TMEM39B: variants seen among roughly 807,000 people sequenced by gnomAD.
TMEM39B encodes transmembrane protein 39B.
Under a neutral mutation model 52.2 loss-of-function variants are expected in TMEM39B, and 23 were observed. The ratio of observed to expected loss-of-function variants is 0.44; its 90% confidence interval spans 0.32 to 0.62. TMEM39B has a LOEUF of 0.62. Ranked by LOEUF, TMEM39B falls within the 20% of genes least tolerant of loss-of-function variation. The probability of loss-of-function intolerance (pLI) is 0.06; values close to 1 mark genes in which losing one functional copy is unlikely to be tolerated. For synonymous variants in TMEM39B, 285 were observed against 264.0 expected, an observed-to-expected ratio of 1.08 and a Z score of -0.77; for missense variants, 547 against 642.0, an observed-to-expected ratio of 0.85 and a Z score of 1.60.
chr1:32,078,729 C>G (rs1261341915), intron 5 of TMEM39B, among the ~76,000 whole-genome samples: 3 of 150,356 alleles, frequency 2.0e-5, no homozygotes, highest in Non-Finnish European at 4.4e-5. Context: ...CAACCTCTGC[C>G]TCCTGGATTC....
chr1:32,076,441 G>A, intron 3 of TMEM39B: 1 of 426,480 alleles, frequency 2.3e-6, no homozygotes, highest in Non-Finnish European at 4.5e-6. Context: ...CAGTAGTGGA[G>A]ATGAACCACA....
intron 7 of TMEM39B, 68 bp from the exon 8 acceptor site, chr1:32,100,374 C>G: frequency 1.3e-6 from 2 of 1,489,644 alleles, no homozygotes; most frequent in Non-Finnish European, 1.8e-6. Context: ...TTCCCTCCTG[C>G]CCATTCTTCT....
At chr1:32,099,785 G>A (rs1303430170) in intron 7 of TMEM39B, among the ~76,000 whole-genome samples, 2 of 152,146 alleles carry the variant, frequency 1.3e-5, no homozygotes, top group Non-Finnish European at 2.9e-5. Flanking sequence ...TGTGGCTGAC[G>A]CCTGTAATCC....
At chr1:32,080,312 A>G (rs1640040027) in intron 5 of TMEM39B, among the ~76,000 whole-genome samples, 1 of 152,156 alleles carries the variant, frequency 6.6e-6, no homozygotes, top group Non-Finnish European at 1.5e-5. Context: ...AGATGGATTC[A>G]TTTAGATTTT....
chr1:32,081,496 C>G (rs1640100030), intron 5 of TMEM39B, among the ~76,000 whole-genome samples: 1 of 152,058 alleles, frequency 6.6e-6, no homozygotes, highest in Non-Finnish European at 1.5e-5. Context: ...GCTTGTAATC[C>G]CAGCACTTTG....
chr1:32,076,919 C>T, intron 4 of TMEM39B, 73 bp downstream of exon 4: 1 of 1,525,672 alleles, frequency 6.6e-7, no homozygotes, highest in African/African-American at 1.4e-5. Flanking sequence ...AGGAAACATG[C>T]CCAGCCCTTC....
intron 5 of TMEM39B, among the ~76,000 whole-genome samples, chr1:32,090,253 A>C (rs655667): frequency 6.6e-6 from 1 of 152,066 alleles, no homozygotes; most frequent in Non-Finnish European, 1.5e-5. Flanking sequence ...CTCCGCATAC[A>C]ATAGCAGCCA....
chr1:32,096,434 C>T (rs1021257138), intron 7 of TMEM39B, among the ~76,000 whole-genome samples: 1 of 146,774 alleles, frequency 6.8e-6, no homozygotes, highest in Non-Finnish European at 1.5e-5. Context: ...GTCTAGCACT[C>T]AGTTGTCTCC....
Position 32,075,835 on chromosome 1 carries a change from C to G in TMEM39B, c.351+13C>G. On this transcript the variant is annotated intron_variant, in intron 3 of 8. Transcript: ENST00000336294. ...CCACACCTCCCTGGTAGGTACCCAA[C>G]AAGGGTGTGTGTGTGTGTGTGTGTG... is the stretch of plus-strand genomic sequence containing the variant. 7.0e-7 allele frequency: 1 copy of G among 1,420,574 alleles called. No homozygotes were observed. The highest frequency in any genetic ancestry group is 1.4e-5 in the South Asian group (1 of 73,482). The allele number at this position is 1,420,574 out of a possible 1,614,324, so 88.0% of individuals were successfully genotyped here. A position where few individuals can be genotyped will look rare whatever the true frequency, so the allele number is the denominator to read the frequency against.
intron 2 of TMEM39B, 100 bp downstream of exon 2, chr1:32,075,177 C>T (rs1394237622): frequency 5.5e-6 from 8 of 1,448,542 alleles, no homozygotes; most frequent in East Asian, 2.5e-5. Context: ...TCCTAGATGC[C>T]AGTGGGGGCT....
chr1:32,101,786 GC>G (rs1641028086), intron 8 of TMEM39B, among the ~76,000 whole-genome samples: 1 of 152,098 alleles, frequency 6.6e-6, no homozygotes, highest in Non-Finnish European at 1.5e-5. Context: ...AGGTACCTTG[GC>G]CCCTGTGGAA....
At chr1:32,082,335 G>A (rs912580996) in intron 5 of TMEM39B, among the ~76,000 whole-genome samples, 2 of 152,078 alleles carry the variant, frequency 1.3e-5, no homozygotes, top group African/African-American at 4.8e-5. Flanking sequence ...CCAGTATGTG[G>A]CTTTGATATA....
chr1:32,080,545 C>T lies in TMEM39B; in HGVS notation c.590+3227C>T, dbSNP rs374153024. On this transcript the variant is annotated intron_variant, in intron 5 of 8. Coordinates refer to ENST00000336294, the MANE Select transcript of TMEM39B (RefSeq NM_018056.4). ...AGCCGGGCATGGTGGATGGCACTTG[C>T]AGTCCCAGCTACTCGGGAGGCTGAG... Among the ~76,000 whole-genome samples the T allele has an allele frequency of 6.0e-4, 91 of 151,648 alleles. 3 individuals are homozygous for T. The highest frequency in any genetic ancestry group is 1.6e-3 in the African/African-American group (66 of 41,384).
chr1:32,075,038 C>T lies in TMEM39B; in HGVS notation c.92C>T (p.Thr31Ile). Residue 31 changes from threonine to isoleucine, a missense_variant, in exon 2 of 9, where the codon ACT (threonine) becomes ATT (isoleucine). Coordinates refer to ENST00000336294, the MANE Select transcript of TMEM39B (RefSeq NM_018056.4). ...TCGGGGGGCTCTAGTGGAAGCCACA[C>T]TTCCAGTGCATCGGTGACCAGTGTT... ...GSSGGSSGSH[T>I]SSASVTSVRS... 6.4e-7 allele frequency: 1 copy of T among 1,551,582 alleles called. No individual in the cohort carries two copies. Among genetic ancestry groups the T allele is most frequent in the Non-Finnish European group, 8.7e-7 (1 of 1,146,948 alleles).
chr1:32,083,439 T>G (rs1178804344), intron 5 of TMEM39B, among the ~76,000 whole-genome samples: 205 of 137,526 alleles, frequency 1.5e-3, no homozygotes, highest in African/African-American at 5.3e-3. Context: ...TTTTTTTTTT[T>G]GAGATGGAGA....
chr1:32,084,387 G>T (rs1461375475), intron 5 of TMEM39B, among the ~76,000 whole-genome samples: 1 of 152,044 alleles, frequency 6.6e-6, no homozygotes, highest in Non-Finnish European at 1.5e-5. Context: ...CTCCTGGGTT[G>T]GACCCCCTGC....
intron 7 of TMEM39B, 23 bp from the exon 8 acceptor site, chr1:32,100,419 G>A: frequency 1.3e-6 from 2 of 1,540,078 alleles, no homozygotes; most frequent in Non-Finnish European, 1.7e-6. Flanking sequence ...GGGATAAGGG[G>A]CACCATTGAA....
chr1:32,073,278 G>C, intron 1 of TMEM39B: 2 of 563,120 alleles, frequency 3.6e-6, no homozygotes, highest in South Asian at 3.4e-5. Context: ...AAGCCCTGTG[G>C]GGGCTTGGGC....
chr1:32,073,722 G>A, intron 1 of TMEM39B: 1 of 985,182 alleles, frequency 1.0e-6, no homozygotes, highest in Non-Finnish European at 1.2e-6. Flanking sequence ...AGAGCTCTTC[G>A]CCAGGTACTT....
Sources: gnomAD v4.1 joint callset for allele counts (sites outside exome capture counted in the v4.1 genomes callset) on GRCh38, gnomAD v4.1.1 for gene constraint, MANE v1.5 for transcripts, NCBI Gene and HGNC (gene_info 2026-07-23, HGNC 2026-07-21) for gene names.